The following MRC1 variants were observed in gnomAD, a reference collection of about 807,000 sequenced individuals.
The protein encoded by MRC1 is macrophage mannose receptor 1.
Under a neutral mutation model 102.9 loss-of-function variants are expected in MRC1, and 62 were observed. The observed-to-expected ratio is 0.60, with a 90% CI of 0.49 to 0.74. The LOEUF (loss-of-function observed/expected upper bound fraction) is 0.74. MRC1 is among the 30% of genes least tolerant of loss of function. MRC1 has a pLI of 0.00. For synonymous variants in MRC1, 457 were observed against 298.4 expected (o/e 1.53, Z -5.48); for missense variants, 1,237 against 862.8 (o/e 1.43, Z -5.43).
intron 1 of MRC1, among the ~76,000 whole-genome samples, chr10:17,810,159 T>G (rs1838201057): frequency 1.3e-5 from 2 of 152,240 alleles, no homozygotes; most frequent in South Asian, 4.1e-4. Context: ...GATTAGAGAT[T>G]ACTCATTAGG....
At chr10:17,831,541 C>T (rs1436439374) in intron 3 of MRC1, among the ~76,000 whole-genome samples, 2 of 151,372 alleles carry the variant, frequency 1.3e-5, no homozygotes, top group African/African-American at 4.9e-5. Context: ...TCTATGATCG[C>T]TTCCTCATCA....
Position 17,909,053 on chromosome 10 carries a change from C to T in MRC1, c.4079-253C>T, listed in dbSNP as rs1007931184. Among the ~76,000 whole-genome samples the T allele has an allele frequency of 1.3e-4, 20 of 152,182 alleles. No individual in the cohort carries two copies. The South Asian group carries it at 2.7e-3, about 21-fold the overall frequency. On this transcript the variant is annotated intron_variant, in intron 28 of 29. Coordinates refer to ENST00000569591, the MANE Select transcript of MRC1 (RefSeq NM_002438.4). Reference sequence around the variant, plus strand: ...TTCCAGATCTTCTAATGTACTCAAACGCACCATACAACCATAGGCAACTGC... The same window carrying T: ...TTCCAGATCTTCTAATGTACTCAAATGCACCATACAACCATAGGCAACTGC...
Position 17,902,085 on chromosome 10 carries a change from A to G in MRC1, c.3762A>G (p.Arg1254=). 1 of 780,786 alleles carries G rather than the reference A, an allele frequency of 1.3e-6. No homozygotes were observed. The allele number at this position is 780,786 out of a possible 1,614,324, so 48.4% of individuals were successfully genotyped here. A position where few individuals can be genotyped will look rare whatever the true frequency, so the allele number is the denominator to read the frequency against. The part of the protein sequence containing the change: ...HCYYIESSYT[R]NWGQASLECL... The stretch of plus-strand genomic sequence containing the variant: ...ACTATATTGAGTCCTCATATACAAG[A>G]AACTGGGGCCAAGCTTCTCTGGAAT... The change falls in exon 26 of 30, where the codon AGA becomes AGG. Residue 1254 remains arginine (R), a synonymous_variant. Transcript: ENST00000569591.
At chr10:17,833,520 CA>C (rs34179956) in intron 3 of MRC1, among the ~76,000 whole-genome samples, 154 bp from the exon 4 acceptor site, 260 of 106,526 alleles carry the variant, frequency 2.4e-3, no homozygotes, top group African/African-American at 6.5e-3. Context: ...GACTCTGTCT[CA>C]AAAAAAAAAA....
At chr10:17,888,795 T>C (rs1833635597) in intron 22 of MRC1, among the ~76,000 whole-genome samples, 1 of 152,232 alleles carries the variant, frequency 6.6e-6, no homozygotes, top group Non-Finnish European at 1.5e-5. Context: ...TTGTTGGTGC[T>C]GTCCACTTTA....
rs1464842204 is a variant in MRC1, at chr10:17,874,952, TCTG to T, written c.2387-134_2387-132del. 4.8e-4 allele frequency: 346 copies of T among 715,004 alleles called. 1 individual carries two copies. The African/African-American group carries it at 5.6e-3, about 11-fold the overall frequency. The allele number at this position is 715,004 out of a possible 1,614,324, so 44.3% of individuals were successfully genotyped here. A position where few individuals can be genotyped will look rare whatever the true frequency, so the allele number is the denominator to read the frequency against. ...AGATGTCTGTATTTGACGTGGACAT[TCTG>T]CTGTTCTGGTCTCTCAGAGTTGCAG... is the stretch of plus-strand genomic sequence containing the variant. On this transcript the variant is annotated intron_variant, in intron 16 of 29. Transcript: ENST00000569591.
At chr10:17,869,293 G>C (rs1397824415) in intron 12 of MRC1, among the ~76,000 whole-genome samples, 2 of 152,110 alleles carry the variant, frequency 1.3e-5, no homozygotes, top group Non-Finnish European at 2.9e-5. Context: ...GCAAGTTGAG[G>C]CATCATAGGA....
intron 1 of MRC1, among the ~76,000 whole-genome samples, chr10:17,818,221 T>C (rs1343133810): frequency 6.6e-6 from 1 of 152,214 alleles, no homozygotes; most frequent in Non-Finnish European, 1.5e-5. Flanking sequence ...ATCATTAATC[T>C]ATCATTAGAT....
At chr10:17,854,049 T>C (rs1833038461) in intron 8 of MRC1, among the ~76,000 whole-genome samples, 1 of 152,044 alleles carries the variant, frequency 6.6e-6, no homozygotes, top group African/African-American at 2.4e-5. Context: ...CTCATTGCAG[T>C]CTTGACCTCC....
chr10:17,875,458 T>A (rs1455316336), intron 17 of MRC1, among the ~76,000 whole-genome samples: 2 of 152,178 alleles, frequency 1.3e-5, no homozygotes, highest in African/African-American at 4.8e-5. Flanking sequence ...ATTGTATCAT[T>A]CTTATGCCTT....
chr10:17,815,554 C>A (rs1838297761), intron 1 of MRC1, among the ~76,000 whole-genome samples: 3 of 152,118 alleles, frequency 2.0e-5, no homozygotes, highest in South Asian at 2.1e-4. Flanking sequence ...AAGGAAGCCT[C>A]TTCTACTGAC....
At chr10:17,888,590 C>T (rs1221107450) in intron 22 of MRC1, among the ~76,000 whole-genome samples, 1 of 152,096 alleles carries the variant, frequency 6.6e-6, no homozygotes, top group African/African-American at 2.4e-5. Context: ...CCAACTGTTA[C>T]TGATTTCTAG....
At chr10:17,875,320 G>T in intron 17 of MRC1, 67 bp downstream of exon 17, 1 of 770,670 alleles carries the variant, frequency 1.3e-6, no homozygotes, top group Non-Finnish European at 2.4e-6. Context: ...TTGGTTGTAT[G>T]GAAAAGTTCT....
In MRC1 at chr10:17,822,061, T is replaced by G. The variant is rs1421478286; in HGVS notation, c.62-1013T>G. ...ATTTAATTAAAGGAAAAAAAAATGCTTACCAGATCCTTTTTTCCTCTTTTG... is the reference window on the plus strand; with the variant it reads ...ATTTAATTAAAGGAAAAAAAAATGCGTACCAGATCCTTTTTTCCTCTTTTG... On this transcript the variant is annotated intron_variant, in intron 1 of 29. Transcript: ENST00000569591. Among the ~76,000 whole-genome samples, 16 of 152,216 alleles carry G rather than the reference T, an allele frequency of 1.1e-4. 1 individual carries two copies. Among genetic ancestry groups the G allele is most frequent in the Non-Finnish European group, 1.6e-4 (11 of 68,042 alleles).
At chr10:17,873,640 C>G in intron 15 of MRC1, 144 bp from the exon 16 acceptor site, 1 of 722,164 alleles carries the variant, frequency 1.4e-6, no homozygotes, top group Non-Finnish European at 2.6e-6. Flanking sequence ...ACATGACGTG[C>G]AAATAGGAGA....
At chr10:17,870,409 A>T (rs1323728915) in intron 13 of MRC1, 36 bp downstream of exon 13, 2 of 779,870 alleles carry the variant, frequency 2.6e-6, no homozygotes, top group African/African-American at 1.7e-5. Flanking sequence ...CCTTTTTGTT[A>T]TCTAGTTGGT....
At chr10:17,824,027 C>G (rs2477633) in intron 2 of MRC1, among the ~76,000 whole-genome samples, 1 of 151,908 alleles carries the variant, frequency 6.6e-6, no homozygotes, top group African/African-American at 2.4e-5. Context: ...TATAAAATCT[C>G]TAGGATTAGC....
intron 26 of MRC1, among the ~76,000 whole-genome samples, chr10:17,902,909 G>A (rs2130720077): frequency 6.6e-6 from 1 of 152,242 alleles, no homozygotes; most frequent in South Asian, 2.1e-4. Context: ...TTGGGGCCCT[G>A]TTGTTAGGTA....
intron 8 of MRC1, 118 bp from the exon 9 acceptor site, chr10:17,856,124 C>G: frequency 1.4e-6 from 1 of 703,724 alleles, no homozygotes; most frequent in Non-Finnish European, 2.5e-6. Context: ...GAGCCAAGAT[C>G]GCGCCACTGC....
Sources: allele counts gnomAD v4.1 joint callset (sites outside exome capture counted in the v4.1 genomes callset), GRCh38; gene constraint gnomAD v4.1.1; transcripts MANE v1.5; gene names NCBI Gene and HGNC (gene_info 2026-07-23, HGNC 2026-07-21).